SAMD4B: variants seen among roughly 807,000 people sequenced by gnomAD.
SAMD4B encodes protein Smaug homolog 2.
Under a neutral mutation model 74.5 loss-of-function variants are expected in SAMD4B, and 5 were observed. The observed-to-expected ratio is 0.07, with a 90% CI of 0.04 to 0.14. The LOEUF is 0.14. Ranked by LOEUF, SAMD4B falls within the 10% of genes least tolerant of loss-of-function variation. The pLI, the probability that SAMD4B is intolerant of heterozygous loss-of-function variation, is 1.00. For synonymous variants in SAMD4B, 373 were observed against 374.9 expected (o/e 1.00, Z 0.06); for missense variants, 608 against 921.8 (o/e 0.66, Z 4.41).
Position 39,378,552 on chromosome 19 carries a change from G to A in SAMD4B, c.1493G>A (p.Ser498Asn). Residue 498 changes from serine to asparagine, a missense_variant, in exon 9 of 14, where the codon AGT becomes AAT. Ser to Asn is a conservative substitution (Grantham distance 46). This residue lies in a region of SAMD4B where 27 missense variants were observed against 48.6 expected (regional missense o/e 0.56). Coordinates refer to ENST00000610417, the MANE Select transcript of SAMD4B (RefSeq NM_001384574.2). The surrounding 1 kb of genome is among the most constrained non-coding windows in gnomAD (Gnocchi z 4.4). Reference sequence around the variant, plus strand: ...CGACCAGACGAGGAGAACATCACCAGTTACCTCCAGCTCATCGAAAAGTGC... The same window carrying A: ...CGACCAGACGAGGAGAACATCACCAATTACCTCCAGCTCATCGAAAAGTGC... ...VSRPDEENIT[S>N]YLQLIEKCLT... The A allele has an allele frequency of 1.2e-6, 2 of 1,614,014 alleles. No individual in the cohort carries two copies. The highest frequency in any genetic ancestry group is 1.7e-6 in the Non-Finnish European group (2 of 1,179,960).
chr19:39,368,992 G>A (rs2077135838), intron 3 of SAMD4B, among the ~76,000 whole-genome samples: 1 of 152,230 alleles, frequency 6.6e-6, no homozygotes, highest in Admixed American at 6.5e-5. Context: ...ATGGCATAGA[G>A]GCCATGAAGA....
intron 11 of SAMD4B, 41 bp downstream of exon 11, chr19:39,380,826 G>T: frequency 6.6e-7 from 1 of 1,510,852 alleles, no homozygotes; most frequent in African/African-American, 1.4e-5. Flanking sequence ...CCTGGGGTTG[G>T]GGTGGCAGTA....
At chr19:39,381,220 T>C in intron 12 of SAMD4B, 107 bp downstream of exon 12, 1 of 1,334,542 alleles carries the variant, frequency 7.5e-7, no homozygotes, top group Non-Finnish European at 1.0e-6. Context: ...CATTGGCACC[T>C]CTCCCCATAC....
intron 5 of SAMD4B, among the ~76,000 whole-genome samples, 175 bp from the exon 6 acceptor site, chr19:39,376,262 T>G (rs1420839326): frequency 1.3e-5 from 2 of 152,196 alleles, no homozygotes; most frequent in Non-Finnish European, 2.9e-5. Flanking sequence ...GAAGGCTGCC[T>G]GAGGGTCTGG....
intron 1 of SAMD4B, among the ~76,000 whole-genome samples, chr19:39,348,979 A>G (rs147132911): frequency 4.3e-4 from 65 of 152,350 alleles, no homozygotes; most frequent in African/African-American, 1.5e-3. Context: ...CTTCCTTCTC[A>G]GTAGGTACTA....
chr19:39,386,640 C>G, downstream of SAMD4B: 5 of 1,600,988 alleles, frequency 3.1e-6, no homozygotes, highest in South Asian at 4.4e-5. This position sits in a 1 kb window ranked among gnomAD's most constrained non-coding sequence, Gnocchi z 6.1. Flanking sequence ...CCCTCCTCAC[C>G]TACAACCACC....
rs1600596980 is a variant in SAMD4B, at chr19:39,383,691, G to T, written c.*164G>T. The T allele has an allele frequency of 6.5e-7, 1 of 1,546,428 alleles. No individual in the cohort carries two copies. The highest frequency in any genetic ancestry group is 8.7e-7 in the Non-Finnish European group (1 of 1,151,032). ...TAACTTTTGTTTAACATTGGCACAT[G>T]CCTTGCTCACTCCCAGGCCCGTCGA... On this transcript the variant is annotated 3_prime_UTR_variant, in exon 14 of 14. Coordinates refer to ENST00000610417, the MANE Select transcript of SAMD4B (RefSeq NM_001384574.2). This position sits in a 1 kb window ranked among gnomAD's most constrained non-coding sequence, Gnocchi z 4.1.
rs1042970150 is a variant in SAMD4B, at chr19:39,380,904, G to C, written c.1849-86G>C. On this transcript the variant is annotated intron_variant, in intron 11 of 13. Coordinates refer to ENST00000610417, the MANE Select transcript of SAMD4B (RefSeq NM_001384574.2). ...GCTTAGAGGTGGCGGGGGTGGGAGT[G>C]GGAGAAGGCCTGTACCACCTCCACC... is the stretch of plus-strand genomic sequence containing the variant. The C allele has an allele frequency of 3.9e-5, 59 of 1,524,772 alleles. No individual in the cohort carries two copies. The Admixed American group carries it at 9.6e-4, about 25-fold the overall frequency. 94.5% of individuals were successfully genotyped at this position (1,524,772 alleles called of 1,614,324 possible).
At chr19:39,363,531 A>T (rs1488468734) in intron 3 of SAMD4B, among the ~76,000 whole-genome samples, 1 of 152,210 alleles carries the variant, frequency 6.6e-6, no homozygotes, top group Non-Finnish European at 1.5e-5. Flanking sequence ...TTCAACGAGG[A>T]GCAACAACAA....
chr19:39,377,396 T>C (rs2077665301), intron 7 of SAMD4B, 89 bp from the exon 8 acceptor site: 1 of 1,204,182 alleles, frequency 8.3e-7, no homozygotes, highest in African/African-American at 1.5e-5. Flanking sequence ...CCCAGCCTTC[T>C]GCAAGCCCTG....
chr19:39,378,535 CGAG>C lies in SAMD4B; in HGVS notation c.1480_1482del (p.Glu494del). 6.2e-7 allele frequency: 1 copy of C among 1,614,042 alleles called. No homozygotes were observed. The highest frequency in any genetic ancestry group is 8.5e-7 in the Non-Finnish European group (1 of 1,179,954). On this transcript the variant is annotated inframe_deletion, in exon 9 of 14. Coordinates refer to ENST00000610417, the MANE Select transcript of SAMD4B (RefSeq NM_001384574.2). This position sits in a 1 kb window ranked among gnomAD's most constrained non-coding sequence, Gnocchi z 4.4. ...CCCAACTGCTGGTGTCCCGACCAGACGAGGAGAACATCACCAGTTACCTCCAGC... is the reference window on the plus strand; with the variant it reads ...CCCAACTGCTGGTGTCCCGACCAGACGAGAACATCACCAGTTACCTCCAGC...
chr19:39,342,894 G>A (rs1450309048), intron 1 of SAMD4B, among the ~76,000 whole-genome samples: 2 of 120,054 alleles, frequency 1.7e-5, no homozygotes, highest in African/African-American at 6.4e-5. Flanking sequence ...GGAGAGCCCC[G>A]GAAAGCCTGC....
chr19:39,382,291 C>A (rs1165250509), intron 12 of SAMD4B, among the ~76,000 whole-genome samples: 1 of 152,150 alleles, frequency 6.6e-6, no homozygotes, highest in African/African-American at 2.4e-5. Context: ...TGAACAAGAA[C>A]CATTCTCTTT....
chr19:39,386,809 G>A, downstream of SAMD4B: 3 of 1,591,638 alleles, frequency 1.9e-6, no homozygotes, highest in South Asian at 1.1e-5. This position sits in a 1 kb window ranked among gnomAD's most constrained non-coding sequence, Gnocchi z 6.1. Flanking sequence ...CCTGCAGGGG[G>A]TGAATTTGGG....
chr19:39,390,419 G>A, downstream of SAMD4B: 1 of 842,006 alleles, frequency 1.2e-6, no homozygotes, highest in East Asian at 2.7e-5. Context: ...GTGGTGTGGG[G>A]AGTGTCCAAA....
In SAMD4B at chr19:39,377,632, C is replaced by A. The variant is rs751374015; in HGVS notation, c.1252C>A (p.Pro418Thr). ...TGCCAAGGATGGGGCCCCGGGGGAA[C>A]CACCGCTGCCAGGTGCTGAGCCTCC... is the stretch of plus-strand genomic sequence containing the variant. ...PTAKDGAPGE[P>T]PLPGAEPPLA... The change falls in exon 8 of 14, where the codon CCA (proline) becomes ACA (threonine). Residue 418 changes from proline (P) to threonine (T), a missense_variant. This residue lies in a region of SAMD4B where 99 missense variants were observed against 112.1 expected (regional missense o/e 0.88). Coordinates refer to ENST00000610417, the MANE Select transcript of SAMD4B (RefSeq NM_001384574.2). 2 of 1,614,078 alleles carry A rather than the reference C, an allele frequency of 1.2e-6. No individual in the cohort carries two copies. Among genetic ancestry groups the A allele is most frequent in the Admixed American group, 1.7e-5 (1 of 60,010 alleles).
In SAMD4B at chr19:39,356,893, C is replaced by G. The variant is rs780077469; in HGVS notation, c.-1C>G. On this transcript the variant is annotated 5_prime_UTR_variant, in exon 3 of 14. Coordinates refer to ENST00000610417, the MANE Select transcript of SAMD4B (RefSeq NM_001384574.2). ...CCGACCCTGGCCCCAGGCCCGGCAC[C>G]ATGATGTTCCGAGACCAGGTGGGCA... The G allele has an allele frequency of 1.2e-6, 2 of 1,604,800 alleles. No individual in the cohort carries two copies. Among genetic ancestry groups the G allele is most frequent in the Non-Finnish European group, 1.7e-6 (2 of 1,173,542 alleles).
At chr19:39,361,284 A>G (rs1165735098) in intron 3 of SAMD4B, among the ~76,000 whole-genome samples, 1 of 152,108 alleles carries the variant, frequency 6.6e-6, no homozygotes, top group Non-Finnish European at 1.5e-5. Flanking sequence ...CTACTCCACA[A>G]ACCAACTCTT....
downstream of SAMD4B, chr19:39,390,068 C>T (rs1246205002): frequency 1.2e-6 from 2 of 1,611,080 alleles, no homozygotes; most frequent in East Asian, 2.2e-5. Context: ...CTTAGTCTCA[C>T]CTGTTCTGGT....
Sources: gnomAD v4.1 joint callset for allele counts (sites outside exome capture counted in the v4.1 genomes callset) on GRCh38, gnomAD v4.1.1 for gene constraint, gnomAD v4.1.1 regional missense constraint, Gnocchi (gnomAD v3.1) non-coding constraint, MANE v1.5 for transcripts, NCBI Gene and HGNC (gene_info 2026-07-23, HGNC 2026-07-21) for gene names.